The following RHOQ variants were observed in gnomAD, a reference collection of about 807,000 sequenced individuals.
The protein encoded by RHOQ is ras homolog family member Q.
RHOQ carries 7 observed loss-of-function variants against 25.8 expected under a neutral mutation model. That is an observed-to-expected ratio of 0.27 (90% CI 0.15 to 0.51). The LOEUF (loss-of-function observed/expected upper bound fraction) is 0.51, where lower values mean the gene tolerates loss of function less well. RHOQ is among the 20% of genes least tolerant of loss of function. The pLI is 0.97. For synonymous variants in RHOQ, 97 were observed against 98.6 expected, an observed-to-expected ratio of 0.98 and a Z score of 0.10; for missense variants, 165 against 260.6, an observed-to-expected ratio of 0.63 and a Z score of 2.53.
Position 46,549,270 on chromosome 2 carries a change from A to G in RHOQ, c.201+5458A>G, listed in dbSNP as rs1483056026. Among the ~76,000 whole-genome samples the G allele has an allele frequency of 2.6e-5, 4 of 152,134 alleles. No individual in the cohort carries two copies. In the South Asian group the frequency reaches 6.2e-4, roughly 24 times the overall value. ...GAGTGACAGCCTAAGGGGGTTGAGCATGTATTGTCAGTTGCTGTGGGTGCT... is the reference window on the plus strand; with the variant it reads ...GAGTGACAGCCTAAGGGGGTTGAGCGTGTATTGTCAGTTGCTGTGGGTGCT... On this transcript the variant is annotated intron_variant, in intron 2 of 4. Coordinates refer to ENST00000238738, the MANE Select transcript of RHOQ (RefSeq NM_012249.4).
chr2:46,543,921 C>A, intron 2 of RHOQ, 109 bp downstream of exon 2: 2 of 848,086 alleles, frequency 2.4e-6, no homozygotes, highest in Non-Finnish European at 3.8e-6. Context: ...GTGTCTGCGA[C>A]GGGCTTCCCC....
In RHOQ at chr2:46,582,086, C is replaced by G. The variant is rs1240897657; in HGVS notation, c.*1003C>G. 6.5e-6 allele frequency: 1 copy of G among 154,966 alleles called. No individual in the cohort carries two copies. The allele number at this position is 154,966 out of a possible 1,614,324, so 9.6% of individuals were successfully genotyped here. On this transcript the variant is annotated 3_prime_UTR_variant, in exon 5 of 5. Transcript: ENST00000238738. ...ATTGTAACAGAGCAGCTGCTTCCAC[C>G]TTTCAGATATAGATGTTGGAACCAC...
chr2:46,563,880 G>A (rs1158396679), intron 2 of RHOQ, among the ~76,000 whole-genome samples: 1 of 151,922 alleles, frequency 6.6e-6, no homozygotes, highest in Admixed American at 6.6e-5. Context: ...CTCAAACTGG[G>A]CTCAAGGGAT....
At position 46,554,121 on chromosome 2, in the gene RHOQ, G is replaced by T. The variant is rs1459356362; in HGVS notation, c.201+10309G>T. 1.0e-3 allele frequency among the ~76,000 whole-genome samples: 152 copies of T among 145,974 alleles called. 1 individual carries two copies. The highest frequency in any genetic ancestry group is 2.7e-3 in the African/African-American group (108 of 40,166). ...TGACAGGATCTCATTGTGTGTGTGTGTTTTTTTTTTTTAATTTATAAATTT... is the reference window on the plus strand; with the variant it reads ...TGACAGGATCTCATTGTGTGTGTGTTTTTTTTTTTTTTAATTTATAAATTT... On this transcript the variant is annotated intron_variant, in intron 2 of 4. Coordinates refer to ENST00000238738, the MANE Select transcript of RHOQ (RefSeq NM_012249.4).
intron 2 of RHOQ, among the ~76,000 whole-genome samples, chr2:46,572,492 C>T (rs1287780813): frequency 3.9e-5 from 6 of 152,182 alleles, no homozygotes; most frequent in African/African-American, 1.4e-4. Flanking sequence ...TGCCAGAACA[C>T]ACTTAAAAAC....
rs1668389134 is a variant in RHOQ at position 46,555,633 on chromosome 2, A to T, written c.201+11821A>T. The stretch of plus-strand genomic sequence containing the variant: ...ACTCATTTCTGGACTCACAGAGCTC[A>T]TTAAGCAGACAGGCTGCCAGGTCTG... On this transcript the variant is annotated intron_variant, in intron 2 of 4. Coordinates refer to ENST00000238738, the MANE Select transcript of RHOQ (RefSeq NM_012249.4). This position sits in a 1 kb window ranked among gnomAD's most constrained non-coding sequence, Gnocchi z 4.3. Among the ~76,000 whole-genome samples the T allele has an allele frequency of 6.6e-6, 1 of 152,240 alleles. No individual in the cohort carries two copies. The highest frequency in any genetic ancestry group is 2.4e-5 in the African/African-American group (1 of 41,452).
chr2:46,559,587 T>C (rs978363317), intron 2 of RHOQ, among the ~76,000 whole-genome samples: 10 of 152,144 alleles, frequency 6.6e-5, no homozygotes, highest in Non-Finnish European at 1.2e-4. Context: ...GTAGGTTGTT[T>C]AGCAGCATCC....
At chr2:46,570,457 AAAAG>A (rs1454981412) in intron 2 of RHOQ, among the ~76,000 whole-genome samples, 1 of 152,170 alleles carries the variant, frequency 6.6e-6, no homozygotes, top group African/African-American at 2.4e-5. Flanking sequence ...TAAAAAAAAA[AAAAG>A]AAATGAGGTT....
At chr2:46,554,788 T>C (rs1466014341) in intron 2 of RHOQ, among the ~76,000 whole-genome samples, 1 of 146,338 alleles carries the variant, frequency 6.8e-6, no homozygotes, top group East Asian at 1.9e-4. Flanking sequence ...TTTCTTTCTT[T>C]CTTTTTTTTT....
chr2:46,567,966 C>A (rs892965470), intron 2 of RHOQ, among the ~76,000 whole-genome samples: 1 of 151,960 alleles, frequency 6.6e-6, no homozygotes, highest in Non-Finnish European at 1.5e-5. Flanking sequence ...ATCAACTACT[C>A]GGGAGGCTGA....
At chr2:46,546,832 G>GT (rs985828627) in intron 2 of RHOQ, among the ~76,000 whole-genome samples, 17 of 151,948 alleles carry the variant, frequency 1.1e-4, no homozygotes, top group Non-Finnish European at 2.2e-4. Flanking sequence ...TTCACAGAGT[G>GT]GAAGAGAACA....
Position 46,566,110 on chromosome 2 carries a change from G to C in RHOQ, c.202-9977G>C, listed in dbSNP as rs1374989372. 6.6e-6 allele frequency among the ~76,000 whole-genome samples: 1 copy of C among 152,196 alleles called. No homozygotes were observed. The highest frequency in any genetic ancestry group is 2.4e-5 in the African/African-American group (1 of 41,448). On this transcript the variant is annotated intron_variant, in intron 2 of 4. Transcript: ENST00000238738. The surrounding 1 kb of genome is among the most constrained non-coding windows in gnomAD (Gnocchi z 4.2). ...TATTTGTGTTAGGGGTTGATCCTGA[G>C]AACTTTCAGGTTTCTGGCTTGTGCA...
At chr2:46,571,006 C>A (rs1668896242) in intron 2 of RHOQ, among the ~76,000 whole-genome samples, 1 of 152,152 alleles carries the variant, frequency 6.6e-6, no homozygotes, top group Admixed American at 6.5e-5. Context: ...ACTGATAAGT[C>A]TCCCGTTTTT....
At chr2:46,561,168 T>G (rs553957656) in intron 2 of RHOQ, among the ~76,000 whole-genome samples, 1 of 152,140 alleles carries the variant, frequency 6.6e-6, no homozygotes, top group African/African-American at 2.4e-5. Context: ...TTGATATATA[T>G]GTGTGTGTAT....
In RHOQ at chr2:46,555,745, G is replaced by C. The variant is rs1460102848; in HGVS notation, c.201+11933G>C. On this transcript the variant is annotated intron_variant, in intron 2 of 4. Transcript: ENST00000238738. The surrounding 1 kb of genome is among the most constrained non-coding windows in gnomAD (Gnocchi z 4.3). Reference sequence around the variant, plus strand: ...TCCTTCACTGGGCTTTATGTCAGGTGTGCTTCCAGAGTGGCCTGTGGCCCT... The same window carrying C: ...TCCTTCACTGGGCTTTATGTCAGGTCTGCTTCCAGAGTGGCCTGTGGCCCT... Among the ~76,000 whole-genome samples, 1 of 152,210 alleles carries C rather than the reference G, an allele frequency of 6.6e-6. No homozygotes were observed. Among genetic ancestry groups the C allele is most frequent in the Non-Finnish European group, 1.5e-5 (1 of 68,038 alleles).
chr2:46,543,250 T>C (rs900079199), intron 1 of RHOQ, 62 bp downstream of exon 1: 12 of 1,593,034 alleles, frequency 7.5e-6, no homozygotes, highest in Admixed American at 6.8e-5. Flanking sequence ...GGAGCAACTT[T>C]GGCGGAGCCC....
At chr2:46,553,895 C>T (rs770930890) in intron 2 of RHOQ, among the ~76,000 whole-genome samples, 1 of 151,996 alleles carries the variant, frequency 6.6e-6, no homozygotes, top group Non-Finnish European at 1.5e-5. Flanking sequence ...TTTTTTGTAC[C>T]CATTAACCAT....
intron 2 of RHOQ, among the ~76,000 whole-genome samples, chr2:46,547,891 A>G (rs1668120428): frequency 6.6e-6 from 1 of 152,190 alleles, no homozygotes; most frequent in Admixed American, 6.5e-5. Flanking sequence ...GCTGCCTGGC[A>G]AGCTGCTCTC....
intron 2 of RHOQ, among the ~76,000 whole-genome samples, chr2:46,546,474 GTGTATATATATATATATATATATA>G (rs1668057025): frequency 1.2e-4 from 2 of 16,954 alleles, no homozygotes; most frequent in Admixed American, 8.5e-4. Flanking sequence ...ATATATATAT[GTGTATATATATATATATATATATA>G]TATATATATA....
Sources: allele counts gnomAD v4.1 joint callset (sites outside exome capture counted in the v4.1 genomes callset), GRCh38; gene constraint gnomAD v4.1.1; non-coding constraint Gnocchi (gnomAD v3.1); transcripts MANE v1.5; gene names NCBI Gene and HGNC (gene_info 2026-07-23, HGNC 2026-07-21).